ISL2: variants seen among roughly 807,000 people sequenced by gnomAD.
ISL2 encodes ISL LIM homeobox 2.
In ISL2, 17 loss-of-function variants were observed where a neutral mutation model predicts 34.6. The ratio of observed to expected loss-of-function variants is 0.49; its 90% CI spans 0.34 to 0.74. ISL2 has a LOEUF of 0.74. Ranked by LOEUF, ISL2 falls within the 30% of genes least tolerant of loss-of-function variation. The pLI is 0.01. For missense variants in ISL2, 469 were observed against 515.2 expected (o/e 0.91, Z 0.87); for synonymous variants, 232 against 225.5 (o/e 1.03, Z -0.26).
At chr15:76,340,209 G>C (rs2040182777) in intron 3 of ISL2, 67 bp from the exon 4 acceptor site, 1 of 1,455,200 alleles carries the variant, frequency 6.9e-7, no homozygotes, top group Non-Finnish European at 9.1e-7. Context: ...GGGCCACCCG[G>C]AGGTTGGGCT....
Position 76,341,278 on chromosome 15 carries a change from G to A in ISL2, c.940G>A (p.Asp314Asn). The A allele has an allele frequency of 6.2e-7, 1 of 1,605,786 alleles. No individual in the cohort carries two copies. Among genetic ancestry groups the A allele is most frequent in the South Asian group, 1.1e-5 (1 of 89,686 alleles). The change falls in exon 5 of 6, where the codon GAC becomes AAC. Residue 314 changes from aspartate to asparagine, a missense_variant. Asp to Asn is a conservative substitution (Grantham distance 23). Transcript: ENST00000290759. ...CGAGTTTGCCCTCCAGAGCGACCTGGACCAACCCGCCTTCCAACAGCTGGT... is the reference window on the plus strand; with the variant it reads ...CGAGTTTGCCCTCCAGAGCGACCTGAACCAACCCGCCTTCCAACAGCTGGT... ...LSEFALQSDLDQPAFQQLVSF... is the reference protein window; with the variant it reads ...LSEFALQSDLNQPAFQQLVSF...
Position 76,338,483 on chromosome 15 carries a change from G to A in ISL2, c.480G>A (p.Pro160=), listed in dbSNP as rs1473016269. Reference sequence around the variant, plus strand: ...CCGGCAGCCCGCGCAGCCCCGGCCCGCTTCCCGGCGCCCGCGGCCTGCATC... The same window carrying A: ...CCGGCAGCCCGCGCAGCCCCGGCCCACTTCCCGGCGCCCGCGGCCTGCATC... ...AAAGSPRSPG[P]LPGARGLHLP... Residue 160 remains proline (P), a synonymous_variant, in exon 3 of 6, where the codon CCG becomes CCA. Coordinates refer to ENST00000290759, the MANE Select transcript of ISL2 (RefSeq NM_145805.3). The A allele has an allele frequency of 1.5e-6, 2 of 1,320,606 alleles. No homozygotes were observed. The highest frequency in any genetic ancestry group is 1.9e-6 in the Non-Finnish European group (2 of 1,043,166). The allele number at this position is 1,320,606 out of a possible 1,614,324, so 81.8% of individuals were successfully genotyped here. A position where few individuals can be genotyped will look rare whatever the true frequency, so the allele number is the denominator to read the frequency against.
chr15:76,338,072 C>G (rs1433617175), intron 2 of ISL2, 105 bp downstream of exon 2: 2 of 1,307,606 alleles, frequency 1.5e-6, no homozygotes, highest in Non-Finnish European at 2.0e-6. Context: ...AGGGAGAAGG[C>G]CATCCGCATC....
chr15:76,337,801 G>C lies in ISL2; in HGVS notation c.82G>C (p.Val28Leu). The C allele has an allele frequency of 6.2e-7, 1 of 1,604,054 alleles. No homozygotes were observed. Among genetic ancestry groups the C allele is most frequent in the Non-Finnish European group, 8.5e-7 (1 of 1,174,534 alleles). ...SKKKPGTAMC[V>L]GCGSQIHDQF... is the part of the protein sequence containing the mutation. Reference sequence around the variant, plus strand: ...AGAGAAGCCCGGGACGGCCATGTGCGTGGGCTGCGGGAGTCAGATCCACGA... The same window carrying C: ...AGAGAAGCCCGGGACGGCCATGTGCCTGGGCTGCGGGAGTCAGATCCACGA... The change falls in exon 2 of 6, where the codon GTG (valine) becomes CTG (leucine). Residue 28 changes from valine (V) to leucine (L), a missense_variant. Val to Leu is a conservative substitution (Grantham distance 32). Coordinates refer to ENST00000290759, the MANE Select transcript of ISL2 (RefSeq NM_145805.3).
At chr15:76,339,878 C>T (rs1168283822) in intron 3 of ISL2, 5 of 1,028,428 alleles carry the variant, frequency 4.9e-6, no homozygotes, top group Non-Finnish European at 5.8e-6. Context: ...CCCTTTCCCT[C>T]TCCAGAGTCC....
chr15:76,337,044 A>G (rs2040155774), intron 1 of ISL2, 103 bp downstream of exon 1: 1 of 1,023,730 alleles, frequency 9.8e-7, no homozygotes, highest in Non-Finnish European at 1.5e-6. Flanking sequence ...AGTGGCTTCT[A>G]TTTGTCAGAA....
intron 3 of ISL2, chr15:76,339,697 T>G: frequency 1.0e-6 from 1 of 985,734 alleles, no homozygotes; most frequent in Non-Finnish European, 1.2e-6. Flanking sequence ...AGGAAGGAAC[T>G]GTTGCAAGCC....
In ISL2 at chr15:76,338,493, G is replaced by A. The variant is rs1440789357; in HGVS notation, c.490G>A (p.Ala164Thr). The A allele has an allele frequency of 2.3e-6, 3 of 1,317,704 alleles. No individual in the cohort carries two copies. The highest frequency in any genetic ancestry group is 3.1e-5 in the Admixed American group (1 of 31,906). 81.6% of individuals were successfully genotyped at this position (1,317,704 alleles called of 1,614,324 possible). The part of the protein sequence containing the change: ...SPRSPGPLPG[A>T]RGLHLPDAGS... ...GCGCAGCCCCGGCCCGCTTCCCGGC[G>A]CCCGCGGCCTGCATCTGCCCGGTAA... Residue 164 changes from alanine to threonine, a missense_variant, in exon 3 of 6, where the codon GCC (alanine) becomes ACC (threonine). Ala to Thr is a moderately conservative substitution (Grantham distance 58). Transcript: ENST00000290759.
chr15:76,340,420 T>C lies in ISL2; in HGVS notation c.656T>C (p.Leu219Pro), dbSNP rs771320893. ...GCCGCCAACCCGCGGCCCGACGCTC[T>C]CATGAAGGAGCAGCTGGTGGAGATG... ...CYAANPRPDALMKEQLVEMTG... is the reference protein window; with the variant it reads ...CYAANPRPDAPMKEQLVEMTG... Residue 219 changes from leucine (L) to proline (P), a missense_variant, in exon 4 of 6, where the codon CTC becomes CCC. Leu to Pro is a moderately conservative substitution (Grantham distance 98). This residue lies in a region of ISL2 where 297 missense variants were observed against 337.8 expected (regional missense o/e 0.88). Coordinates refer to ENST00000290759, the MANE Select transcript of ISL2 (RefSeq NM_145805.3). The C allele has an allele frequency of 6.2e-7, 1 of 1,613,766 alleles. No individual in the cohort carries two copies. Among genetic ancestry groups the C allele is most frequent in the Non-Finnish European group, 8.5e-7 (1 of 1,179,984 alleles).
intron 1 of ISL2, chr15:76,337,407 G>C (rs968990731): frequency 3.2e-6 from 1 of 317,048 alleles, no homozygotes. Flanking sequence ...GGGAGTGTGT[G>C]AGCGGAAATG....
At chr15:76,337,656 T>C in intron 1 of ISL2, 122 bp from the exon 2 acceptor site, 1 of 833,274 alleles carries the variant, frequency 1.2e-6, no homozygotes, top group Non-Finnish European at 1.8e-6. Flanking sequence ...TCTTTCCTTA[T>C]GGTCGCAAGT....
chr15:76,336,995 A>G (rs2040155292), intron 1 of ISL2, 54 bp downstream of exon 1: 1 of 1,470,970 alleles, frequency 6.8e-7, no homozygotes, highest in African/African-American at 1.4e-5. Context: ...CTTAATATGC[A>G]AAATTTCTAA....
chr15:76,338,514 G>C lies in ISL2; in HGVS notation c.511G>C (p.Asp171His). 2 of 1,305,352 alleles carry C rather than the reference G, an allele frequency of 1.5e-6. No individual in the cohort carries two copies. The highest frequency in any genetic ancestry group is 3.1e-4 in the Middle Eastern group (1 of 3,264). 80.9% of individuals were successfully genotyped at this position (1,305,352 alleles called of 1,614,324 possible). A position where few individuals can be genotyped will look rare whatever the true frequency, so the allele number is the denominator to read the frequency against. Residue 171 changes from aspartate (D) to histidine (H), a missense_variant and splice_region_variant, in exon 3 of 6, where the codon GAC (aspartate) becomes CAC (histidine). By Grantham distance (81) the Asp-to-His change is moderately conservative (BLOSUM62 -1). This residue lies in a region of ISL2 where 297 missense variants were observed against 337.8 expected (regional missense o/e 0.88). Coordinates refer to ENST00000290759, the MANE Select transcript of ISL2 (RefSeq NM_145805.3). Reference sequence around the variant, plus strand: ...CGGCGCCCGCGGCCTGCATCTGCCCGGTAAGCGCGCCGGGGCCTGTGCCGG... The same window carrying C: ...CGGCGCCCGCGGCCTGCATCTGCCCCGTAAGCGCGCCGGGGCCTGTGCCGG... Reference protein sequence around the residue: ...LPGARGLHLPDAGSGRQPALR... With the variant: ...LPGARGLHLPHAGSGRQPALR...
chr15:76,341,017 C>A, intron 4 of ISL2, 117 bp from the exon 5 acceptor site: 2 of 1,014,486 alleles, frequency 2.0e-6, no homozygotes, highest in Non-Finnish European at 2.8e-6. Flanking sequence ...CGAGTGTGCG[C>A]CTCCCCGCAA....
Position 76,341,889 on chromosome 15 carries a change from C to G in ISL2, c.*54C>G, listed in dbSNP as rs996511673. ...CCTCGCATGCTCCCTGCATGAGACTCACCCATGCTCAGGCCATTCCAGTTC... is the reference window on the plus strand; with the variant it reads ...CCTCGCATGCTCCCTGCATGAGACTGACCCATGCTCAGGCCATTCCAGTTC... On this transcript the variant is annotated 3_prime_UTR_variant, in exon 6 of 6. Coordinates refer to ENST00000290759, the MANE Select transcript of ISL2 (RefSeq NM_145805.3). The G allele has an allele frequency of 1.8e-6, 2 of 1,115,838 alleles. No homozygotes were observed. The highest frequency in any genetic ancestry group is 3.1e-5 in the African/African-American group (2 of 65,352). 69.1% of individuals were successfully genotyped at this position (1,115,838 alleles called of 1,614,324 possible). A position where few individuals can be genotyped will look rare whatever the true frequency, so the allele number is the denominator to read the frequency against.
intron 3 of ISL2, chr15:76,339,951 C>T: frequency 8.6e-7 from 1 of 1,159,806 alleles, no homozygotes; most frequent in Non-Finnish European, 1.1e-6. Context: ...TCGCTCGTTC[C>T]GAGGGTCCTG....
chr15:76,339,802 C>A (rs2040180092), intron 3 of ISL2: 1 of 995,862 alleles, frequency 1.0e-6, no homozygotes, highest in Non-Finnish European at 1.2e-6. Context: ...CCCTCGTAGG[C>A]CCCCGGCATA....
chr15:76,338,872 T>C (rs1391746130), intron 3 of ISL2: 33 of 985,364 alleles, frequency 3.3e-5, no homozygotes, highest in Non-Finnish European at 4.0e-5. Context: ...TGGAGGAATA[T>C]GTGTTATTGT....
chr15:76,337,673 A>G, intron 1 of ISL2, 105 bp from the exon 2 acceptor site: 1 of 1,015,140 alleles, frequency 9.9e-7, no homozygotes, highest in Non-Finnish European at 1.4e-6. Flanking sequence ...AAGTCTTGAA[A>G]GAAAGAGCAA....
Sources: gnomAD v4.1 joint callset for allele counts on GRCh38, gnomAD v4.1.1 for gene constraint, gnomAD v4.1.1 regional missense constraint, MANE v1.5 for transcripts, NCBI Gene and HGNC (gene_info 2026-07-23, HGNC 2026-07-21) for gene names.